Variants in CEP126 observed in about 807,000 individuals in gnomAD.
The protein encoded by CEP126 is centrosomal protein of 126 kDa.
In CEP126, 74 loss-of-function variants were observed where a neutral mutation model predicts 107.8. The ratio of observed to expected loss-of-function variants is 0.69; its 90% CI spans 0.57 to 0.83. The LOEUF (loss-of-function observed/expected upper bound fraction) is 0.83, where lower values mean the gene tolerates loss of function less well. CEP126 is among the 40% of genes least tolerant of loss of function. The probability of loss-of-function intolerance (pLI) is 0.00; values close to 1 mark genes in which losing one functional copy is unlikely to be tolerated. For synonymous variants in CEP126, 449 were observed against 446.0 expected (o/e 1.01, Z -0.08); for missense variants, 1,237 against 1,281.9 (o/e 0.96, Z 0.53).
At chr11:101,924,132 T>G (rs931456205) in intron 2 of CEP126, among the ~76,000 whole-genome samples, 1 of 152,218 alleles carries the variant, frequency 6.6e-6, no homozygotes, top group Non-Finnish European at 1.5e-5. Flanking sequence ...AAATCTTGGT[T>G]TAAAATTCTA....
At chr11:101,977,215 G>A (rs1343210707) in intron 6 of CEP126, among the ~76,000 whole-genome samples, 1 of 152,020 alleles carries the variant, frequency 6.6e-6, no homozygotes, top group East Asian at 1.9e-4. Flanking sequence ...GTCATTATGT[G>A]GCAAAGAGTT....
In CEP126 at chr11:101,963,590, A is replaced by G. The variant is rs1301861361; in HGVS notation, c.2555A>G (p.Gln852Arg). Residue 852 changes from glutamine to arginine, a missense_variant, in exon 6 of 11, where the codon CAG becomes CGG. Transcript: ENST00000263468. ...HVLPTEHSLN[Q>R]WNQESSSPLS... is the part of the protein sequence containing the mutation. ...CTTCCAACAGAACACAGTTTGAATC[A>G]GTGGAATCAGGAAAGTAGTTCTCCA... is the stretch of plus-strand genomic sequence containing the variant. 6.2e-7 allele frequency: 1 copy of G among 1,614,188 alleles called. No homozygotes were observed. Among genetic ancestry groups the G allele is most frequent in the Non-Finnish European group, 8.5e-7 (1 of 1,180,026 alleles).
At chr11:101,996,459 C>T (rs1184304385) in intron 10 of CEP126, among the ~76,000 whole-genome samples, 7 of 152,228 alleles carry the variant, frequency 4.6e-5, no homozygotes, top group Admixed American at 2.6e-4. Flanking sequence ...TCCAGACCCT[C>T]ATTTTCCCAG....
chr11:101,980,959 G>A (rs530993504), intron 7 of CEP126, among the ~76,000 whole-genome samples: 1 of 152,328 alleles, frequency 6.6e-6, no homozygotes, highest in African/African-American at 2.4e-5. Context: ...TTATAGCCAG[G>A]CAGTTTTATC....
chr11:101,987,530 G>A (rs911118667), intron 9 of CEP126, among the ~76,000 whole-genome samples: 2 of 151,974 alleles, frequency 1.3e-5, no homozygotes, highest in African/African-American at 4.8e-5. Flanking sequence ...GGCCTCATAG[G>A]AAAAAGGGAA....
chr11:101,996,306 C>T (rs2137139593), intron 10 of CEP126, among the ~76,000 whole-genome samples: 1 of 152,326 alleles, frequency 6.6e-6, no homozygotes, highest in Non-Finnish European at 1.5e-5. Flanking sequence ...GATTTCCCTG[C>T]AAGCTTCAAT....
At chr11:101,956,069 C>T (rs1462030017) in intron 4 of CEP126, 2 of 456,580 alleles carry the variant, frequency 4.4e-6, no homozygotes, top group Non-Finnish European at 8.8e-6. Flanking sequence ...CAGTTTCCCT[C>T]GTCTACCAGC....
At chr11:101,960,597 C>G (rs1309090705) in intron 5 of CEP126, among the ~76,000 whole-genome samples, 1 of 152,052 alleles carries the variant, frequency 6.6e-6, no homozygotes, top group Non-Finnish European at 1.5e-5. Context: ...AAATATAAAA[C>G]TCTCATGAAT....
intron 9 of CEP126, among the ~76,000 whole-genome samples, 159 bp from the exon 10 acceptor site, chr11:101,992,619 A>G (rs569613461): frequency 2.0e-5 from 3 of 152,142 alleles, no homozygotes; most frequent in Non-Finnish European, 2.9e-5. Flanking sequence ...TGGACCTAAT[A>G]TAAGTATAAA....
rs1215802109 is a variant in CEP126, at chr11:101,962,879, TAAC to T, written c.1847_1849del (p.Thr616del). On this transcript the variant is annotated inframe_deletion, in exon 6 of 11. Coordinates refer to ENST00000263468, the MANE Select transcript of CEP126 (RefSeq NM_020802.4). ...GCAGCTATCAGAGATAGTATTGAAT[TAAC>T]AAAGGAAAAAGGTGCAGAAATTCCA... is the stretch of plus-strand genomic sequence containing the variant. The T allele has an allele frequency of 1.2e-6, 2 of 1,609,478 alleles. No individual in the cohort carries two copies. Among genetic ancestry groups the T allele is most frequent in the Admixed American group, 3.4e-5 (2 of 59,116 alleles).
At chr11:101,964,935 G>A (rs1457175871) in intron 6 of CEP126, among the ~76,000 whole-genome samples, 4 of 152,040 alleles carry the variant, frequency 2.6e-5, no homozygotes, top group African/African-American at 7.3e-5. Flanking sequence ...TAAAACTTTT[G>A]TTAAATTGAG....
intron 5 of CEP126, among the ~76,000 whole-genome samples, chr11:101,960,327 A>G (rs924209057): frequency 2.6e-5 from 4 of 152,190 alleles, no homozygotes; most frequent in Non-Finnish European, 4.4e-5. Context: ...TTACAGACCT[A>G]TGCAAATGGA....
At chr11:101,938,151 C>T (rs1940613855) in intron 2 of CEP126, among the ~76,000 whole-genome samples, 1 of 55,534 alleles carries the variant, frequency 1.8e-5, no homozygotes, top group Non-Finnish European at 4.2e-5. Context: ...CAGAGCGAGA[C>T]TCTGTCTCAA....
intron 6 of CEP126, among the ~76,000 whole-genome samples, chr11:101,970,411 G>A (rs1941111627): frequency 6.6e-6 from 1 of 152,110 alleles, no homozygotes; most frequent in Admixed American, 6.5e-5. Flanking sequence ...GTGGGTATAT[G>A]GAAACAGGTA....
intron 2 of CEP126, 50 bp from the exon 3 acceptor site, chr11:101,944,215 T>G (rs760390009): frequency 2.0e-6 from 3 of 1,467,164 alleles, no homozygotes; most frequent in Non-Finnish European, 2.7e-6. Context: ...TGAAACTATT[T>G]TCTAAACTTA....
chr11:101,931,824 T>G (rs140553808), intron 2 of CEP126, among the ~76,000 whole-genome samples: 1 of 152,342 alleles, frequency 6.6e-6, no homozygotes, highest in Non-Finnish European at 1.5e-5. Context: ...GCCATGATGT[T>G]TATTTGCTCA....
chr11:101,962,887 GA>G lies in CEP126; in HGVS notation c.1857del (p.Gly620ValfsTer11). The G allele has an allele frequency of 6.2e-7, 1 of 1,608,686 alleles. No individual in the cohort carries two copies. Among genetic ancestry groups the G allele is most frequent in the Admixed American group, 1.7e-5 (1 of 59,062 alleles). The part of the protein sequence containing the change: ...AIRDSIELTK[E>X]KGAEIPKTIK... ...CAGAGATAGTATTGAATTAACAAAGGAAAAAGGTGCAGAAATTCCAAAGACC... is the reference window on the plus strand; with the variant it reads ...CAGAGATAGTATTGAATTAACAAAGGAAAAGGTGCAGAAATTCCAAAGACC... On this transcript the variant is annotated frameshift_variant, in exon 6 of 11. Coordinates refer to ENST00000263468, the MANE Select transcript of CEP126 (RefSeq NM_020802.4). LOFTEE classifies it high-confidence loss of function.
chr11:101,970,545 C>T (rs535435237), intron 6 of CEP126, among the ~76,000 whole-genome samples: 112 of 151,264 alleles, frequency 7.4e-4, no homozygotes, highest in African/African-American at 2.5e-3. Context: ...ATAGATTCTA[C>T]TTCCTTTTTT....
At chr11:101,944,445 A>T in intron 3 of CEP126, 35 bp downstream of exon 3, 2 of 1,568,312 alleles carry the variant, frequency 1.3e-6, no homozygotes, top group Non-Finnish European at 1.7e-6. Flanking sequence ...GAGAACATAA[A>T]GTTTTAATCT....
Sources: gnomAD v4.1 joint callset for allele counts (sites outside exome capture counted in the v4.1 genomes callset) on GRCh38, gnomAD v4.1.1 for gene constraint, MANE v1.5 for transcripts, NCBI Gene and HGNC (gene_info 2026-07-23, HGNC 2026-07-21) for gene names.